Variants in ZNF254 observed in about 807,000 individuals in gnomAD.
ZNF254 encodes zinc finger protein 254, also known as CTD-2017D11.1.
ZNF254 carries 10 observed loss-of-function variants against 12.4 expected under a neutral mutation model. The ratio of observed to expected loss-of-function variants is 0.80; its 90% CI spans 0.50 to 1.36. ZNF254 has a LOEUF of 1.36. ZNF254 is among the 40% of genes most tolerant of loss of function. The pLI is 0.00. For missense variants in ZNF254, 996 were observed against 763.9 expected (o/e 1.30, Z -3.58); for synonymous variants, 305 against 253.4 (o/e 1.20, Z -1.93).
intron 3 of ZNF254, among the ~76,000 whole-genome samples, chr19:24,111,024 C>A (rs1211443146): frequency 6.6e-6 from 1 of 151,874 alleles, no homozygotes; most frequent in Non-Finnish European, 1.5e-5. Flanking sequence ...CATATGTATA[C>A]ATGTGCCATG....
chr19:24,103,398 C>T (rs1973146314), intron 1 of ZNF254, among the ~76,000 whole-genome samples: 1 of 152,130 alleles, frequency 6.6e-6, no homozygotes, highest in African/African-American at 2.4e-5. Flanking sequence ...GCCAATTTTA[C>T]AAAGCGATTC....
chr19:24,036,746 A>C (rs527325745), intron 1 of ZNF254, among the ~76,000 whole-genome samples: 3 of 152,266 alleles, frequency 2.0e-5, no homozygotes, highest in Non-Finnish European at 4.4e-5. Context: ...GTGATTCCAG[A>C]TCTCTTCCCA....
intron 1 of ZNF254, among the ~76,000 whole-genome samples, chr19:24,099,585 C>G (rs1001597375): frequency 2.6e-5 from 4 of 152,154 alleles, no homozygotes; most frequent in Admixed American, 1.3e-4. Context: ...TAAGCAGTTA[C>G]CTGGCTTCAA....
upstream of ZNF254, among the ~76,000 whole-genome samples, chr19:24,082,280 CTT>C (rs1049047652): frequency 1.3e-5 from 2 of 151,028 alleles, no homozygotes; most frequent in African/African-American, 4.9e-5. Context: ...AATTATTAAA[CTT>C]ATTCAAAATT....
At position 24,129,130 on chromosome 19, in the gene ZNF254, T is replaced by C. The variant is rs1408406865; in HGVS notation, c.*1150T>C. 6.6e-6 allele frequency: 1 copy of C among 152,044 alleles called. No homozygotes were observed. Among genetic ancestry groups the C allele is most frequent in the Non-Finnish European group, 1.5e-5 (1 of 67,892 alleles). 9.4% of individuals were successfully genotyped at this position (152,044 alleles called of 1,614,324 possible). ...GGTAGAGAGGCTCTTTGTGGTTAAC[T>C]TATAATATTGAGTGATGCATGAGGT... On this transcript the variant is annotated 3_prime_UTR_variant, in exon 4 of 4. Transcript: ENST00000357002.
chr19:24,095,282 G>T (rs1331987054), intron 1 of ZNF254, among the ~76,000 whole-genome samples: 1 of 152,022 alleles, frequency 6.6e-6, no homozygotes, highest in Non-Finnish European at 1.5e-5. Context: ...TGCTGGATTT[G>T]GTTTGTCAGT....
intron 2 of ZNF254, among the ~76,000 whole-genome samples, chr19:24,059,053 T>G (rs62114785): frequency 0.15 from 22,403 of 152,204 alleles, 1,904 homozygotes; most frequent in Middle Eastern, 0.23. Flanking sequence ...GATTGTAACA[T>G]ACCGCTGGGC....
At chr19:24,067,226 C>T (rs1358163697) in intron 2 of ZNF254, among the ~76,000 whole-genome samples, 2 of 151,804 alleles carry the variant, frequency 1.3e-5, no homozygotes, top group Non-Finnish European at 1.5e-5. Flanking sequence ...CTCTTATCTT[C>T]ACTTTGTCCA....
At chr19:24,115,643 G>A (rs771599481) in intron 3 of ZNF254, among the ~76,000 whole-genome samples, 1 of 152,038 alleles carries the variant, frequency 6.6e-6, no homozygotes, top group African/African-American at 2.4e-5. Flanking sequence ...CCTGCACATT[G>A]TGCACATGTA....
upstream of ZNF254, among the ~76,000 whole-genome samples, chr19:24,082,606 C>T (rs184572020): frequency 5.5e-4 from 73 of 133,512 alleles, 1 homozygote; most frequent in African/African-American, 2.0e-3. Context: ...GCCCAGATCG[C>T]GCCAATGCAC....
At chr19:24,103,296 A>C (rs79003623) in intron 1 of ZNF254, among the ~76,000 whole-genome samples, 2,245 of 152,314 alleles carry the variant, frequency 0.015, 55 homozygotes, top group African/African-American at 0.051. Flanking sequence ...ATGAGCCCAG[A>C]GAGAGTGACA....
intron 1 of ZNF254, among the ~76,000 whole-genome samples, chr19:24,036,148 G>A (rs1426078091): frequency 2.6e-5 from 4 of 152,052 alleles, no homozygotes; most frequent in Non-Finnish European, 4.4e-5. Context: ...TGCGAGCTCC[G>A]CCTCCTGGGT....
intron 1 of ZNF254, among the ~76,000 whole-genome samples, chr19:24,087,860 G>T (rs1972121555): frequency 6.7e-6 from 1 of 150,188 alleles, no homozygotes; most frequent in African/African-American, 2.4e-5. Context: ...TCATGATAAA[G>T]AAAACCAAAT....
At chr19:24,106,479 T>C in intron 2 of ZNF254, 69 bp from the exon 3 acceptor site, 1 of 1,260,722 alleles carries the variant, frequency 7.9e-7, no homozygotes. Context: ...TCCTCCTTAC[T>C]GAGCACATTA....
At chr19:24,103,732 CTT>C (rs11397560) in intron 1 of ZNF254, 13 of 147,200 alleles carry the variant, frequency 8.8e-5, no homozygotes, top group South Asian at 2.2e-4. Flanking sequence ...CTTTTTCTTT[CTT>C]TTTTTTTTTG....
At chr19:24,044,945 C>T (rs1396682250) in intron 1 of ZNF254, among the ~76,000 whole-genome samples, 1 of 152,232 alleles carries the variant, frequency 6.6e-6, no homozygotes, top group African/African-American at 2.4e-5. Context: ...GAGAACTATA[C>T]ATACGTTGTC....
chr19:24,120,125 A>G (rs1013294353), intron 3 of ZNF254, among the ~76,000 whole-genome samples: 1 of 152,172 alleles, frequency 6.6e-6, no homozygotes, highest in Non-Finnish European at 1.5e-5. Context: ...CATGTCTCAC[A>G]TGGTGGCAGA....
Position 24,040,511 on chromosome 19 carries a change from C to T in ZNF254, c.-189-5673C>T, listed in dbSNP as rs1023554401. Among the ~76,000 whole-genome samples, 11 of 152,160 alleles carry T rather than the reference C, an allele frequency of 7.2e-5. No homozygotes were observed. The South Asian group carries it at 1.5e-3, about 20-fold the overall frequency. On this transcript the variant is annotated intron_variant, in intron 1 of 4. Transcript: ENST00000613065. ...TCTACTTATCCCTTCCTTTCTATAT[C>T]CCTCCCATCTGTCTGTATTTAGCTT... is the stretch of plus-strand genomic sequence containing the variant.
In ZNF254 at chr19:24,126,695, A is replaced by C. The variant is rs954349732; in HGVS notation, c.695A>C (p.Tyr232Ser). 1 of 1,613,472 alleles carries C rather than the reference A, an allele frequency of 6.2e-7. No individual in the cohort carries two copies. The highest frequency in any genetic ancestry group is 8.5e-7 in the Non-Finnish European group (1 of 1,179,770). ...SSTLTNHRKIYTEEKPYKCEE... is the reference protein window; with the variant it reads ...SSTLTNHRKISTEEKPYKCEE... ...ACCCTTACTAATCATAGGAAAATTTATACTGAAGAGAAACCTTACAAATGT... is the reference window on the plus strand; with the variant it reads ...ACCCTTACTAATCATAGGAAAATTTCTACTGAAGAGAAACCTTACAAATGT... The change falls in exon 4 of 4, where the codon TAT (tyrosine) becomes TCT (serine). Residue 232 changes from tyrosine to serine, a missense_variant. Transcript: ENST00000357002.
Sources: gnomAD v4.1 joint callset for allele counts (sites outside exome capture counted in the v4.1 genomes callset) on GRCh38, gnomAD v4.1.1 for gene constraint, MANE v1.5 for transcripts, NCBI Gene and HGNC (gene_info 2026-07-23, HGNC 2026-07-21) for gene names.